The following LAMA4 variants were observed in gnomAD, a reference collection of about 807,000 sequenced individuals.
The protein encoded by LAMA4 is laminin subunit alpha 4.
A neutral mutation model predicts 207.1 loss-of-function variants in LAMA4; 127 were observed. The observed-to-expected ratio is 0.61, with a 90% CI of 0.53 to 0.71. LAMA4 has a LOEUF of 0.71. LAMA4 is among the 30% of genes least tolerant of loss of function. LAMA4 has a pLI of 0.00. For synonymous variants in LAMA4, 761 were observed against 816.0 expected (o/e 0.93, Z 1.15); for missense variants, 2,093 against 2,246.5 (o/e 0.93, Z 1.38).
intron 2 of LAMA4, among the ~76,000 whole-genome samples, chr6:112,220,747 A>T (rs1026293834): frequency 2.0e-5 from 3 of 152,186 alleles, no homozygotes; most frequent in Admixed American, 2.0e-4. Context: ...TAACATTTTA[A>T]ACATTTTCTA....
In LAMA4 at chr6:112,217,100, C is replaced by T. The variant is rs183900412; in HGVS notation, c.196-631G>A. On this transcript the variant is annotated intron_variant, in intron 2 of 38. Transcript: ENST00000230538. ...TTTGTCTTCAGAATGCTGCGAGGAA[C>T]ACATGACTTTCCCTTATCCTAGTGA... 2.0e-5 allele frequency among the ~76,000 whole-genome samples: 3 copies of T among 152,328 alleles called. No individual in the cohort carries two copies. In the East Asian group the frequency reaches 5.8e-4, roughly 29 times the overall value.
chr6:112,226,666 C>T (rs548180942), intron 2 of LAMA4, among the ~76,000 whole-genome samples: 2 of 152,268 alleles, frequency 1.3e-5, no homozygotes, highest in South Asian at 2.1e-4. Flanking sequence ...TAGTCATTCG[C>T]AAATAGCAAG....
chr6:112,229,162 C>A (rs1360792338), intron 2 of LAMA4, among the ~76,000 whole-genome samples: 3 of 152,162 alleles, frequency 2.0e-5, no homozygotes, highest in Non-Finnish European at 4.4e-5. Flanking sequence ...TTATTAAATA[C>A]GACACCAGAA....
At chr6:112,248,316 C>T (rs529536474) in intron 2 of LAMA4, among the ~76,000 whole-genome samples, 90 of 151,930 alleles carry the variant, frequency 5.9e-4, no homozygotes, top group African/African-American at 2.1e-3. Flanking sequence ...CTGGCTAACA[C>T]GGTGAAACCC....
intron 2 of LAMA4, among the ~76,000 whole-genome samples, chr6:112,231,538 C>T (rs1785561741): frequency 6.6e-6 from 1 of 152,214 alleles, no homozygotes; most frequent in South Asian, 2.1e-4. Flanking sequence ...GCAGATCCCT[C>T]ATTAGCAAAG....
rs1554333182 is a variant in LAMA4, at chr6:112,141,390, C to A, written c.2781G>T (p.Trp927Cys). 3 of 1,614,052 alleles carry A rather than the reference C, an allele frequency of 1.9e-6. No homozygotes were observed. Among genetic ancestry groups the A allele is most frequent in the Non-Finnish European group, 2.5e-6 (3 of 1,179,968 alleles). ...TCTTGACAATGCTGAAGTAAGCAGGCCAGGAACTGACGGGCTTGGAGTCCA... is the reference window on the plus strand; with the variant it reads ...TCTTGACAATGCTGAAGTAAGCAGGACAGGAACTGACGGGCTTGGAGTCCA... The part of the protein sequence containing the change: ...IPLDSKPVSS[W>C]PAYFSIVKIE... Residue 927 changes from tryptophan (W) to cysteine (C), a missense_variant, in exon 21 of 39, where the codon TGG becomes TGT. Around this residue, in one of 3 missense-constraint regions of LAMA4, gnomAD observed 1,704 missense variants for 1,788.4 expected, o/e 0.95. Transcript: ENST00000230538.
chr6:112,227,864 A>C (rs1554363022), intron 2 of LAMA4, among the ~76,000 whole-genome samples: 1 of 152,174 alleles, frequency 6.6e-6, no homozygotes. Context: ...GTAAAGCTAC[A>C]TGTCCGAGGC....
chr6:112,224,076 C>T (rs777318593), intron 2 of LAMA4, among the ~76,000 whole-genome samples: 91 of 152,316 alleles, frequency 6.0e-4, no homozygotes, highest in South Asian at 1.2e-3. Flanking sequence ...GGCCATCACA[C>T]CTGGCCCCAT....
intron 3 of LAMA4, chr6:112,213,810 T>C (rs868971819): frequency 7.7e-6 from 3 of 391,438 alleles, no homozygotes; most frequent in Non-Finnish European, 9.1e-6. Flanking sequence ...ACAAGGCAGA[T>C]ACAGAGGTCT....
chr6:112,139,652 C>T lies in LAMA4; in HGVS notation c.3110+100G>A, dbSNP rs1201004438. 2.5e-5 allele frequency: 37 copies of T among 1,459,648 alleles called. No homozygotes were observed. In the Admixed American group the frequency reaches 5.2e-4, roughly 20 times the overall value. The allele number at this position is 1,459,648 out of a possible 1,614,324, so 90.4% of individuals were successfully genotyped here. A position where few individuals can be genotyped will look rare whatever the true frequency, so the allele number is the denominator to read the frequency against. On this transcript the variant is annotated intron_variant, in intron 23 of 38. Transcript: ENST00000230538. ...TTATGTAGTTTCAAAACTGGCTTCCCCAAAGAAAAGTTTGAGAACCTGAAT... is the reference window on the plus strand; with the variant it reads ...TTATGTAGTTTCAAAACTGGCTTCCTCAAAGAAAAGTTTGAGAACCTGAAT...
chr6:112,126,833 T>A (rs138181399), intron 31 of LAMA4, among the ~76,000 whole-genome samples: 2 of 152,362 alleles, frequency 1.3e-5, no homozygotes, highest in East Asian at 3.9e-4. Flanking sequence ...TTGATTATAT[T>A]CATTGTTGAC....
chr6:112,245,409 C>T (rs1201517075), intron 2 of LAMA4, among the ~76,000 whole-genome samples: 1 of 152,122 alleles, frequency 6.6e-6, no homozygotes, highest in Non-Finnish European at 1.5e-5. Flanking sequence ...TGACATTTGG[C>T]TTTCTAGAGC....
chr6:112,247,605 G>A (rs960334780), intron 2 of LAMA4, among the ~76,000 whole-genome samples: 6 of 152,106 alleles, frequency 3.9e-5, no homozygotes, highest in South Asian at 2.1e-4. Flanking sequence ...TCCTGTTATC[G>A]AGGCCCACCA....
Position 112,254,181 on chromosome 6 carries a change from A to C in LAMA4, c.-31T>G. On this transcript the variant is annotated 5_prime_UTR_variant, in exon 2 of 39. Coordinates refer to ENST00000230538, the MANE Select transcript of LAMA4 (RefSeq NM_001105206.3). The stretch of plus-strand genomic sequence containing the variant: ...CGCTGACATCCAGTAGTGCTCTTCC[A>C]GGGCTCGGGCGCTGTGGGTCTCCGT... 6.2e-7 allele frequency: 1 copy of C among 1,611,670 alleles called. No homozygotes were observed.
Position 112,177,145 on chromosome 6 carries a change from C to A in LAMA4, c.1189+976G>T, listed in dbSNP as rs530748907. 2.6e-5 allele frequency among the ~76,000 whole-genome samples: 4 copies of A among 152,196 alleles called. No individual in the cohort carries two copies. The East Asian group carries it at 5.8e-4, about 22-fold the overall frequency. On this transcript the variant is annotated intron_variant, in intron 10 of 38. Transcript: ENST00000230538. ...AAAAAGAATATTTTGTCAGGAAACT[C>A]AAAAATATGAGCCATGAGAGAGTAT...
At chr6:112,233,981 C>T (rs1418471561) in intron 2 of LAMA4, among the ~76,000 whole-genome samples, 1 of 152,108 alleles carries the variant, frequency 6.6e-6, no homozygotes, top group East Asian at 1.9e-4. Flanking sequence ...TGGAGGCTTG[C>T]CCTAGTTCCT....
chr6:112,165,234 T>C lies in LAMA4; in HGVS notation c.1594A>G (p.Met532Val). The C allele has an allele frequency of 1.9e-6, 3 of 1,613,702 alleles. No homozygotes were observed. The highest frequency in any genetic ancestry group is 8.5e-7 in the Non-Finnish European group (1 of 1,179,596). Reference protein sequence around the residue: ...RVREQMEVVNMSLSTSADSLT... With the variant: ...RVREQMEVVNVSLSTSADSLT... The stretch of plus-strand genomic sequence containing the variant: ...GAGTCCGCAGATGTGCTCAGAGACA[T>C]GTTCACCACTTCCATTTGTTCCCTC... The change falls in exon 13 of 39, where the codon ATG (methionine) becomes GTG (valine). Residue 532 changes from methionine to valine, a missense_variant. This residue lies in a region of LAMA4 where 1,704 missense variants were observed against 1,788.4 expected (regional missense o/e 0.95). Transcript: ENST00000230538.
chr6:112,128,280 G>A (rs1463121081), intron 31 of LAMA4, among the ~76,000 whole-genome samples: 2 of 152,176 alleles, frequency 1.3e-5, no homozygotes, highest in Non-Finnish European at 1.5e-5. Flanking sequence ...AAGAACTGAT[G>A]CAACAAACGC....
chr6:112,166,567 G>A (rs549360428), intron 12 of LAMA4: 3 of 153,762 alleles, frequency 2.0e-5, no homozygotes, highest in East Asian at 3.9e-4. Flanking sequence ...GGGTGACTGC[G>A]GGAGAACACT....
Sources: allele counts gnomAD v4.1 joint callset (sites outside exome capture counted in the v4.1 genomes callset), GRCh38; gene constraint gnomAD v4.1.1; regional missense constraint gnomAD v4.1.1; transcripts MANE v1.5; gene names NCBI Gene and HGNC (gene_info 2026-07-23, HGNC 2026-07-21).